The following CLEC4D variants were observed in gnomAD, a reference collection of about 807,000 sequenced individuals.
The protein encoded by CLEC4D is C-type lectin domain family 4 member D.
In CLEC4D, 21 loss-of-function variants were observed where a neutral mutation model predicts 21.1. The ratio of observed to expected loss-of-function variants is 1.00; its 90% CI spans 0.71 to 1.43. The LOEUF is 1.43. CLEC4D is among the 40% of genes most tolerant of loss of function. The pLI, the probability that CLEC4D is intolerant of heterozygous loss-of-function variation, is 0.00. For synonymous variants in CLEC4D, 85 were observed against 83.1 expected, an observed-to-expected ratio of 1.02 and a Z score of -0.12; for missense variants, 289 against 260.7, an observed-to-expected ratio of 1.11 and a Z score of -0.75.
the CLEC4D span, among the ~76,000 whole-genome samples, chr12:8,529,444 G>C: frequency 6.6e-6 from 1 of 152,140 alleles, no homozygotes; most frequent in African/African-American, 2.4e-5. Flanking sequence ...GTGAGACCCT[G>C]TCTCTACAAA....
the CLEC4D span, among the ~76,000 whole-genome samples, chr12:8,529,130 G>C: frequency 6.6e-6 from 1 of 152,052 alleles, no homozygotes; most frequent in Non-Finnish European, 1.5e-5. Context: ...ACTTAGCAAA[G>C]TAATGGCTGT....
rs762855205 is a variant in CLEC4D at position 8,519,585 on chromosome 12, G to C, written c.384+425G>C. 7.9e-5 allele frequency among the ~76,000 whole-genome samples: 12 copies of C among 152,238 alleles called. No homozygotes were observed. In the South Asian group the frequency reaches 2.3e-3, roughly 29 times the overall value. ...TGTCCCGTGCAGTGTGAGGCACACT[G>C]GATAGGTCTTGATAAATGTTTGGTT... is the stretch of plus-strand genomic sequence containing the variant. On this transcript the variant is annotated intron_variant, in intron 4 of 5. Coordinates refer to ENST00000299665, the MANE Select transcript of CLEC4D (RefSeq NM_080387.5).
At position 8,521,461 on chromosome 12, in the gene CLEC4D, GATAA is replaced by G; in HGVS notation, c.*191_*194del. 1 of 1,182,864 alleles carries G rather than the reference GATAA, an allele frequency of 8.5e-7. No homozygotes were observed. The highest frequency in any genetic ancestry group is 1.1e-6 in the Non-Finnish European group (1 of 914,868). 73.3% of individuals were successfully genotyped at this position (1,182,864 alleles called of 1,614,324 possible). ...GTGTATGTGTGTGTGTGTGTGTGTA[GATAA>G]TGTGGTTTTTGTATGGTGTTTGATG... On this transcript the variant is annotated 3_prime_UTR_variant, in exon 6 of 6. Transcript: ENST00000299665.
chr12:8,520,681 G>A (rs11046021), intron 5 of CLEC4D, among the ~76,000 whole-genome samples: 10,924 of 152,116 alleles, frequency 0.072, 766 homozygotes, highest in African/African-American at 0.18. Flanking sequence ...CTTGAAGCCA[G>A]TATCGTTTAG....
At position 8,519,103 on chromosome 12, in the gene CLEC4D, A is replaced by G. The variant is rs773984906; in HGVS notation, c.327A>G (p.Glu109=). ...ACAACAAGACGTGGGCTGAGAGTGA[A>G]AGGAACTGTTCAGGGATGGGGGCCC... ...LTDNKTWAES[E]RNCSGMGAHL... Residue 109 remains glutamate, a synonymous_variant, in exon 4 of 6, where the codon GAA becomes GAG. Coordinates refer to ENST00000299665, the MANE Select transcript of CLEC4D (RefSeq NM_080387.5). The G allele has an allele frequency of 6.2e-7, 1 of 1,614,140 alleles. No homozygotes were observed. The highest frequency in any genetic ancestry group is 8.5e-7 in the Non-Finnish European group (1 of 1,179,998).
chr12:8,528,983 A>G, the CLEC4D span, among the ~76,000 whole-genome samples: 1 of 152,074 alleles, frequency 6.6e-6, no homozygotes. Context: ...ACATATTCTT[A>G]AACATTTGCA....
chr12:8,518,088 T>C (rs1940405515), intron 2 of CLEC4D, 76 bp from the exon 3 acceptor site: 2 of 629,396 alleles, frequency 3.2e-6, no homozygotes, highest in African/African-American at 1.8e-5. Context: ...AGAGAAAATT[T>C]AGGAAGGTCA....
At chr12:8,527,176 T>G, downstream of CLEC4D, among the ~76,000 whole-genome samples, 1 of 152,164 alleles carries the variant, frequency 6.6e-6, no homozygotes, top group Non-Finnish European at 1.5e-5. Context: ...CCCAGTTGGG[T>G]GGCACAGGGA....
chr12:8,521,329 G>A lies in CLEC4D; in HGVS notation c.*58G>A. On this transcript the variant is annotated 3_prime_UTR_variant, in exon 6 of 6. Coordinates refer to ENST00000299665, the MANE Select transcript of CLEC4D (RefSeq NM_080387.5). ...GAAAAGAAAAACCAATTAGAATAAG[G>A]CAGAATGTACGTGCGTCATTGGAAC... The A allele has an allele frequency of 4.5e-6, 7 of 1,564,838 alleles. No individual in the cohort carries two copies. Among genetic ancestry groups the A allele is most frequent in the South Asian group, 3.6e-5 (3 of 83,948 alleles).
downstream of CLEC4D, among the ~76,000 whole-genome samples, chr12:8,525,180 T>A (rs1199290841): frequency 6.6e-6 from 1 of 152,186 alleles, no homozygotes; most frequent in East Asian, 1.9e-4. Context: ...ATTCTGCTGA[T>A]TTGGGGTAGA....
At position 8,521,146 on chromosome 12, in the gene CLEC4D, G is replaced by A. The variant is rs751270621; in HGVS notation, c.523G>A (p.Asp175Asn). 129 of 1,612,934 alleles carry A rather than the reference G, an allele frequency of 8.0e-5. No homozygotes were observed. Among genetic ancestry groups the A allele is most frequent in the South Asian group, 1.2e-4 (11 of 90,980 alleles). Residue 175 changes from aspartate (D) to asparagine (N), a missense_variant, in exon 6 of 6, where the codon GAC (aspartate) becomes AAC (asparagine). Physicochemically the swap from Asp to Asn is conservative, Grantham distance 23. Coordinates refer to ENST00000299665, the MANE Select transcript of CLEC4D (RefSeq NM_080387.5). Reference protein sequence around the residue: ...RRVFWHKNEPDNSQGENCVVL... With the variant: ...RRVFWHKNEPNNSQGENCVVL... Reference sequence around the variant, plus strand: ...CAGATTCTGGCATAAGAATGAACCCGACAACTCTCAGGGAGAAAACTGTGT... The same window carrying A: ...CAGATTCTGGCATAAGAATGAACCCAACAACTCTCAGGGAGAAAACTGTGT...
downstream of CLEC4D, chr12:8,522,482 C>T (rs979583159): frequency 6.6e-6 from 1 of 152,286 alleles, no homozygotes; most frequent in South Asian, 2.1e-4. Context: ...AAATTAGCTA[C>T]TGATTTTTTG....
chr12:8,530,886 A>G, the CLEC4D span, among the ~76,000 whole-genome samples: 1 of 152,250 alleles, frequency 6.6e-6, no homozygotes, highest in Non-Finnish European at 1.5e-5. Flanking sequence ...TACAATTCTA[A>G]GATACCCAAG....
At chr12:8,525,850 A>C (rs11502683), downstream of CLEC4D, among the ~76,000 whole-genome samples, 9,991 of 152,054 alleles carry the variant, frequency 0.066, 699 homozygotes, top group African/African-American at 0.18. Context: ...ATATTTAGTG[A>C]TTCTTTCAGA....
chr12:8,518,925 G>C, intron 3 of CLEC4D, 84 bp from the exon 4 acceptor site: 1 of 1,502,902 alleles, frequency 6.7e-7, no homozygotes, highest in Non-Finnish European at 8.9e-7. Context: ...ATATTAATTG[G>C]ATATAGGTAG....
At chr12:8,529,948 G>A in the CLEC4D span, among the ~76,000 whole-genome samples, 187 of 152,278 alleles carry the variant, frequency 1.2e-3, 1 homozygote, top group Non-Finnish European at 2.4e-3. Context: ...GGTTGAATAC[G>A]ATTGCCACTT....
chr12:8,530,056 T>G, the CLEC4D span, among the ~76,000 whole-genome samples: 1 of 152,218 alleles, frequency 6.6e-6, no homozygotes, highest in Admixed American at 6.5e-5. Flanking sequence ...ATGTACATAG[T>G]GTGCAAATCT....
chr12:8,519,242 CCT>C (rs1940426215), intron 4 of CLEC4D, 82 bp downstream of exon 4: 1 of 1,495,446 alleles, frequency 6.7e-7, no homozygotes, highest in Non-Finnish European at 8.9e-7. Flanking sequence ...TCCTGTTATG[CCT>C]CTGTCTGTTT....
chr12:8,521,109 T>C lies in CLEC4D; in HGVS notation c.501-15T>C. ...ATATACCTATAAATCTCTATCTATG[T>C]TGTTGTTCTTTCAGATTCTGGCATA... is the stretch of plus-strand genomic sequence containing the variant. On this transcript the variant is annotated splice_polypyrimidine_tract_variant and intron_variant, in intron 5 of 5. Transcript: ENST00000299665. 1 of 1,610,874 alleles carries C rather than the reference T, an allele frequency of 6.2e-7. No homozygotes were observed. Among genetic ancestry groups the C allele is most frequent in the South Asian group, 1.1e-5 (1 of 90,806 alleles).
Sources: gnomAD v4.1 joint callset for allele counts (sites outside exome capture counted in the v4.1 genomes callset) on GRCh38, gnomAD v4.1.1 for gene constraint, MANE v1.5 for transcripts, NCBI Gene and HGNC (gene_info 2026-07-23, HGNC 2026-07-21) for gene names.